The following MEMO1 variants were observed in gnomAD, a reference collection of about 807,000 sequenced individuals.
MEMO1 encodes the protein mediator of cell motility 1, also known as protein MEMO1.
In MEMO1, 6 loss-of-function variants were observed where a neutral mutation model predicts 45.2. That is an observed-to-expected ratio of 0.13 (90% confidence interval 0.07 to 0.26). MEMO1 has a LOEUF of 0.26. MEMO1 is among the 10% of genes least tolerant of loss of function. MEMO1 has a pLI of 1.00. For missense variants in MEMO1, 184 were observed against 370.5 expected, an observed-to-expected ratio of 0.50 and a Z score of 4.13; for synonymous variants, 78 against 124.3, an observed-to-expected ratio of 0.63 and a Z score of 2.48.
intron 8 of MEMO1, among the ~76,000 whole-genome samples, chr2:31,878,081 G>T (rs1674817360): frequency 6.6e-6 from 1 of 152,180 alleles, no homozygotes; most frequent in African/African-American, 2.4e-5. Context: ...GTAGGATGTA[G>T]GATGCAAAAT....
intron 2 of MEMO1, among the ~76,000 whole-genome samples, chr2:31,961,510 C>A (rs1375325110): frequency 1.3e-5 from 2 of 152,106 alleles, no homozygotes; most frequent in Non-Finnish European, 2.9e-5. Context: ...CGCCTATAAT[C>A]CCAGCACTTT....
At chr2:31,938,786 A>G (rs973362223) in intron 3 of MEMO1, among the ~76,000 whole-genome samples, 1 of 138,790 alleles carries the variant, frequency 7.2e-6, no homozygotes, top group Non-Finnish European at 1.6e-5. Context: ...ATAGAACAAT[A>G]TTTTTTTTTT....
intron 4 of MEMO1, among the ~76,000 whole-genome samples, chr2:31,928,942 G>C (rs1334463261): frequency 6.6e-6 from 1 of 152,086 alleles, no homozygotes; most frequent in Non-Finnish European, 1.5e-5. Flanking sequence ...TATTAGGATA[G>C]AGCTTCCGAA....
intron 2 of MEMO1, among the ~76,000 whole-genome samples, chr2:31,987,357 G>A (rs1671391396): frequency 6.6e-6 from 1 of 152,064 alleles, no homozygotes; most frequent in African/African-American, 2.4e-5. Flanking sequence ...AAAAGACTAG[G>A]AAGGATAGGT....
intron 2 of MEMO1, among the ~76,000 whole-genome samples, chr2:31,999,500 T>C (rs1055330907): frequency 6.6e-5 from 10 of 151,798 alleles, no homozygotes; most frequent in African/African-American, 9.7e-5. Flanking sequence ...CGCCCCCCCA[T>C]CTCTACCAAA....
chr2:31,965,913 G>T (rs1459640037), intron 2 of MEMO1, among the ~76,000 whole-genome samples: 2 of 151,970 alleles, frequency 1.3e-5, no homozygotes, highest in Non-Finnish European at 2.9e-5. Context: ...AAACCACCAT[G>T]GCATACGTTT....
At chr2:31,896,433 A>C (rs1318742744) in intron 6 of MEMO1, among the ~76,000 whole-genome samples, 2 of 152,218 alleles carry the variant, frequency 1.3e-5, no homozygotes, top group African/African-American at 4.8e-5. Context: ...ACTGCTCAAC[A>C]GTTCAGGTAG....
At chr2:31,915,653 G>A (rs1432035947) in intron 6 of MEMO1, among the ~76,000 whole-genome samples, 1 of 152,102 alleles carries the variant, frequency 6.6e-6, no homozygotes, top group African/African-American at 2.4e-5. Flanking sequence ...GAACAAACAG[G>A]TCAGCTGGAG....
chr2:31,914,087 C>T (rs1681052125), intron 6 of MEMO1, among the ~76,000 whole-genome samples: 1 of 152,082 alleles, frequency 6.6e-6, no homozygotes, highest in African/African-American at 2.4e-5. Context: ...TAGACGAGAA[C>T]CAAGATGAAA....
In MEMO1 at chr2:31,932,073, G is replaced by C; in HGVS notation, c.206C>G (p.Ser69Cys). 6.2e-7 allele frequency: 1 copy of C among 1,613,010 alleles called. No homozygotes were observed. Among genetic ancestry groups the C allele is most frequent in the Non-Finnish European group, 8.5e-7 (1 of 1,179,420 alleles). ...AAHAYKQVDP[S>C]ITRRIFILGP... ...ACAAAACTACATTACTTACGTAATA[G>C]ACGGATCCACTTGTTTATAAGCATG... The change falls in exon 4 of 10, where the codon TCT becomes TGT. Residue 69 changes from serine to cysteine, a missense_variant. Physicochemically the swap from Ser to Cys is moderately radical, Grantham distance 112. Around this residue, in one of 3 missense-constraint regions of MEMO1, gnomAD observed 60 missense variants for 79.2 expected, o/e 0.76. Coordinates refer to ENST00000404530, the MANE Select transcript of MEMO1 (RefSeq NM_001301833.4).
At chr2:32,005,792 G>T (rs1673994618) in intron 2 of MEMO1, among the ~76,000 whole-genome samples, 1 of 152,136 alleles carries the variant, frequency 6.6e-6, no homozygotes, top group East Asian at 1.9e-4. Context: ...TACTTATTGA[G>T]CATCTACTAT....
At chr2:31,924,124 C>T (rs1429066262) in intron 4 of MEMO1, among the ~76,000 whole-genome samples, 1 of 151,930 alleles carries the variant, frequency 6.6e-6, no homozygotes, top group East Asian at 1.9e-4. Context: ...AGCAATATAT[C>T]TAAAAACAAA....
chr2:31,929,047 T>C (rs1683543548), intron 4 of MEMO1, among the ~76,000 whole-genome samples: 1 of 152,170 alleles, frequency 6.6e-6, no homozygotes, highest in African/African-American at 2.4e-5. Flanking sequence ...ATATAGTCCA[T>C]TGAAATGCAT....
chr2:31,940,930 C>T (rs1372509490), intron 3 of MEMO1, among the ~76,000 whole-genome samples: 2 of 152,116 alleles, frequency 1.3e-5, no homozygotes, highest in Non-Finnish European at 2.9e-5. Flanking sequence ...CCTCAAGCCC[C>T]CAATCCAAGC....
chr2:31,873,945 T>C (rs1674170045), intron 8 of MEMO1, among the ~76,000 whole-genome samples: 2 of 152,086 alleles, frequency 1.3e-5, no homozygotes, highest in African/African-American at 2.4e-5. Flanking sequence ...TAAAACTTAC[T>C]AAAAAGCTAT....
intron 2 of MEMO1, among the ~76,000 whole-genome samples, chr2:31,971,028 T>C (rs1426183668): frequency 6.6e-6 from 1 of 152,142 alleles, no homozygotes; most frequent in Non-Finnish European, 1.5e-5. Context: ...ATATTTCATA[T>C]AATTACCTAC....
intron 8 of MEMO1, among the ~76,000 whole-genome samples, chr2:31,879,751 A>G (rs1273150564): frequency 6.6e-6 from 1 of 152,206 alleles, no homozygotes; most frequent in East Asian, 1.9e-4. Context: ...TTACACTTAC[A>G]GTATATTTCA....
At chr2:31,975,179 AC>A (rs1232275094) in intron 2 of MEMO1, among the ~76,000 whole-genome samples, 2 of 152,222 alleles carry the variant, frequency 1.3e-5, no homozygotes, top group African/African-American at 4.8e-5. Flanking sequence ...TCTCAAAAAA[AC>A]AAACAAATAA....
chr2:31,963,926 G>A (rs1366378029), intron 2 of MEMO1, among the ~76,000 whole-genome samples: 1 of 152,070 alleles, frequency 6.6e-6, no homozygotes, highest in Non-Finnish European at 1.5e-5. Context: ...AAAAAAGAAT[G>A]CAATATACTT....
Sources: gnomAD v4.1 joint callset for allele counts (sites outside exome capture counted in the v4.1 genomes callset) on GRCh38, gnomAD v4.1.1 for gene constraint, gnomAD v4.1.1 regional missense constraint, MANE v1.5 for transcripts, NCBI Gene and HGNC (gene_info 2026-07-23, HGNC 2026-07-21) for gene names.